The following TNS3 variants were observed in gnomAD, a reference collection of about 807,000 sequenced individuals.
The protein encoded by TNS3 is tensin-3.
TNS3 carries 45 observed loss-of-function variants against 140.9 expected under a neutral mutation model. The ratio of observed to expected loss-of-function variants is 0.32; its 90% CI spans 0.25 to 0.41. The LOEUF (loss-of-function observed/expected upper bound fraction) is 0.41. TNS3 is among the 10% of genes least tolerant of loss of function. TNS3 has a pLI of 1.00. For missense variants in TNS3, 1,716 were observed against 1,906.7 expected (o/e 0.90, Z 1.86); for synonymous variants, 815 against 788.4 (o/e 1.03, Z -0.56).
At chr7:47,291,809 T>C in intron 27 of TNS3, 146 bp downstream of exon 27, 2 of 820,892 alleles carry the variant, frequency 2.4e-6, no homozygotes, top group Non-Finnish European at 3.8e-6. Flanking sequence ...CACCCAGCTC[T>C]GTGCAAGCTT....
At position 47,411,807 on chromosome 7, in the gene TNS3, G is replaced by T. The variant is rs1340303632; in HGVS notation, c.648-5C>A. The stretch of plus-strand genomic sequence containing the variant: ...GGGTTTTCTGGGCCAACGTTGCTTT[G>T]GGATGAAGAAGAAGGTAGATCATTA... On this transcript the variant is annotated splice_polypyrimidine_tract_variant and splice_region_variant and intron_variant, in intron 12 of 30. Coordinates refer to ENST00000311160, the MANE Select transcript of TNS3 (RefSeq NM_022748.12). 1 of 1,612,768 alleles carries T rather than the reference G, an allele frequency of 6.2e-7. No homozygotes were observed. Among genetic ancestry groups the T allele is most frequent in the Non-Finnish European group, 8.5e-7 (1 of 1,179,492 alleles).
At chr7:47,430,382 G>A (rs1794872214) in intron 8 of TNS3, among the ~76,000 whole-genome samples, 2 of 151,902 alleles carry the variant, frequency 1.3e-5, no homozygotes, top group Non-Finnish European at 2.9e-5. Flanking sequence ...CCCCCGCCTC[G>A]GCCTCCCAAA....
chr7:47,418,586 C>G (rs549325187), intron 10 of TNS3, among the ~76,000 whole-genome samples: 109 of 152,304 alleles, frequency 7.2e-4, no homozygotes, highest in African/African-American at 2.4e-3. Context: ...CATTATTTTC[C>G]CATTGCTATC....
intron 4 of TNS3, chr7:47,453,149 C>T: frequency 1.0e-6 from 1 of 985,692 alleles, no homozygotes; most frequent in Non-Finnish European, 1.2e-6. Flanking sequence ...CCAGGAGCAG[C>T]TGGCAGGTGT....
At chr7:47,532,981 ATAGG>A (rs1436563396) in intron 1 of TNS3, among the ~76,000 whole-genome samples, 2 of 151,060 alleles carry the variant, frequency 1.3e-5, no homozygotes, top group Non-Finnish European at 2.9e-5. Context: ...AGAACAAACA[ATAGG>A]TAGGAGAAAT....
chr7:47,572,353 G>A (rs56187452), intron 1 of TNS3, among the ~76,000 whole-genome samples: 46,469 of 151,962 alleles, frequency 0.31, 8,025 homozygotes, highest in East Asian at 0.56. Context: ...CACACACTAT[G>A]CTTCTCACGC....
intron 1 of TNS3, chr7:47,557,000 C>T: frequency 2.2e-6 from 1 of 456,056 alleles, no homozygotes; most frequent in South Asian, 1.6e-5. Context: ...CAGACGATAA[C>T]CAGGAGCAGC....
At chr7:47,416,143 T>G (rs1410235410) in intron 10 of TNS3, among the ~76,000 whole-genome samples, 1 of 152,242 alleles carries the variant, frequency 6.6e-6, no homozygotes, top group African/African-American at 2.4e-5. Flanking sequence ...ACCAAAGTAC[T>G]GTACTCTTTG....
At position 47,303,019 on chromosome 7, in the gene TNS3, T is replaced by C. The variant is rs372500102; in HGVS notation, c.3388A>G (p.Ile1130Val). The C allele has an allele frequency of 9.9e-6, 16 of 1,613,856 alleles. No homozygotes were observed. In the Middle Eastern group the frequency reaches 6.6e-4, roughly 66 times the overall value. The change falls in exon 22 of 31, where the codon ATC becomes GTC. Residue 1130 changes from isoleucine (I) to valine (V), a missense_variant. Ile to Val is a conservative substitution (Grantham distance 29). Transcript: ENST00000311160. The part of the protein sequence containing the change: ...GFSSPHSGST[I>V]SIPFPNVLPD... ...AGGACATTTGGGAAGGGGATACTGA[T>C]GGTGCTCCCGCTGTGCGGGCTGGAG...
chr7:47,426,337 C>T (rs951608764), intron 9 of TNS3, among the ~76,000 whole-genome samples: 4 of 152,138 alleles, frequency 2.6e-5, no homozygotes, highest in Admixed American at 6.5e-5. Flanking sequence ...TCAACAAATG[C>T]TTAAATACAT....
At chr7:47,326,158 C>A (rs1788015660) in intron 20 of TNS3, among the ~76,000 whole-genome samples, 1 of 152,166 alleles carries the variant, frequency 6.6e-6, no homozygotes, top group African/African-American at 2.4e-5. Context: ...AAATGGAAAT[C>A]AGAATTACAG....
intron 16 of TNS3, among the ~76,000 whole-genome samples, chr7:47,389,048 GA>G (rs758438046): frequency 1.9e-5 from 1 of 51,614 alleles, no homozygotes; most frequent in African/African-American, 9.7e-5. Context: ...AGAAGAAGAA[GA>G]AGAAGAAGAA....
chr7:47,478,296 A>C (rs1233922483), intron 4 of TNS3, among the ~76,000 whole-genome samples: 2 of 152,148 alleles, frequency 1.3e-5, no homozygotes, highest in Non-Finnish European at 2.9e-5. Flanking sequence ...TCCCCAGGCA[A>C]TGCTGAGGCT....
chr7:47,454,331 G>A (rs1447561885), intron 4 of TNS3, among the ~76,000 whole-genome samples: 1 of 152,134 alleles, frequency 6.6e-6, no homozygotes. Flanking sequence ...GTCAAAATAG[G>A]ACCACCTGTC....
At chr7:47,316,858 T>C (rs1452509543) in intron 20 of TNS3, among the ~76,000 whole-genome samples, 1 of 151,804 alleles carries the variant, frequency 6.6e-6, no homozygotes, top group Non-Finnish European at 1.5e-5. Context: ...TTAACCAACC[T>C]TCTTGAAAGC....
At chr7:47,310,839 G>A (rs1479283275) in intron 20 of TNS3, among the ~76,000 whole-genome samples, 6 of 152,200 alleles carry the variant, frequency 3.9e-5, no homozygotes, top group Admixed American at 6.5e-5. Flanking sequence ...CTGTCCTTGT[G>A]ATAGTTTGCT....
rs372837922 is a variant in TNS3 at position 47,458,428 on chromosome 7, G to C, written c.-75-16373C>G. 3.3e-5 allele frequency among the ~76,000 whole-genome samples: 5 copies of C among 152,378 alleles called. No individual in the cohort carries two copies. The South Asian group carries it at 1.0e-3, about 32-fold the overall frequency. ...CTCATGAGTCAGTGGCTCACATTTA[G>C]AACAGCTGTGCCTCCTGGATGCCCC... is the stretch of plus-strand genomic sequence containing the variant. On this transcript the variant is annotated intron_variant, in intron 4 of 30. Transcript: ENST00000311160.
At chr7:47,517,180 T>C (rs1000681800) in intron 2 of TNS3, among the ~76,000 whole-genome samples, 2 of 152,224 alleles carry the variant, frequency 1.3e-5, no homozygotes, top group Non-Finnish European at 1.5e-5. Flanking sequence ...ATGGTCCTAC[T>C]GGAGGCTGGC....
chr7:47,457,489 C>T (rs1796309146), intron 4 of TNS3, among the ~76,000 whole-genome samples: 1 of 152,072 alleles, frequency 6.6e-6, no homozygotes, highest in Non-Finnish European at 1.5e-5. Context: ...CTCCAAATAG[C>T]TTCAACAGCC....
Sources: gnomAD v4.1 joint callset for allele counts (sites outside exome capture counted in the v4.1 genomes callset) on GRCh38, gnomAD v4.1.1 for gene constraint, MANE v1.5 for transcripts, NCBI Gene and HGNC (gene_info 2026-07-23, HGNC 2026-07-21) for gene names.